The following DKK3 variants were observed in gnomAD, a reference collection of about 807,000 sequenced individuals.
The protein encoded by DKK3 is dickkopf-related protein 3.
In DKK3, 22 loss-of-function variants were observed where a neutral mutation model predicts 33.2. The ratio of observed to expected loss-of-function variants is 0.66; its 90% confidence interval spans 0.47 to 0.95. The LOEUF is 0.95. Ranked by LOEUF, DKK3 falls within the 40% of genes least tolerant of loss-of-function variation. The pLI, the probability that DKK3 is intolerant of heterozygous loss-of-function variation, is 0.00. For synonymous variants in DKK3, 194 were observed against 188.8 expected (o/e 1.03, Z -0.23); for missense variants, 398 against 458.4 (o/e 0.87, Z 1.20).
upstream of DKK3, chr11:12,009,103 C>G: frequency 1.0e-6 from 1 of 985,734 alleles, no homozygotes; most frequent in Non-Finnish European, 1.2e-6. Flanking sequence ...GAGCGCCCCG[C>G]CCCACATCCA....
intron 3 of DKK3, among the ~76,000 whole-genome samples, chr11:11,996,537 A>G (rs1231684132): frequency 6.6e-6 from 1 of 152,192 alleles, no homozygotes; most frequent in African/African-American, 2.4e-5. Flanking sequence ...TGGCTTGAAA[A>G]GTCTCCAATC....
chr11:12,009,117 A>G (rs987136114), upstream of DKK3: 7 of 984,008 alleles, frequency 7.1e-6, no homozygotes, highest in African/African-American at 8.8e-5. Flanking sequence ...ACATCCACCA[A>G]GAGAGGCTGA....
chr11:12,000,186 TTGTTTG>T (rs1336939499), intron 2 of DKK3, among the ~76,000 whole-genome samples: 2 of 26,876 alleles, frequency 7.4e-5, no homozygotes, highest in African/African-American at 1.3e-4. Context: ...TGTTTTTTGT[TTGTTTG>T]TTTGTTTGTT....
chr11:11,967,027 G>A lies in DKK3; in HGVS notation c.600C>T (p.Thr200=), dbSNP rs1332469011. The change falls in exon 5 of 7, where the codon ACC becomes ACT. Residue 200 remains threonine (T), a synonymous_variant. Transcript: ENST00000683431. ...CACAGATGGTCCCATTGCTGCCCCT[G>A]GTGGCCATTTTGGTGCAGTGACCCC... ...CVWGHCTKMA[T]RGSNGTICDN... 6.2e-7 allele frequency: 1 copy of A among 1,614,032 alleles called. No individual in the cohort carries two copies. Among genetic ancestry groups the A allele is most frequent in the Admixed American group, 1.7e-5 (1 of 60,026 alleles).
intron 1 of DKK3, among the ~76,000 whole-genome samples, chr11:12,004,650 C>G (rs1386522826): frequency 6.6e-6 from 1 of 152,204 alleles, no homozygotes; most frequent in Non-Finnish European, 1.5e-5. Context: ...CCCACTAAAC[C>G]TCAGCTTGCT....
intron 1 of DKK3, among the ~76,000 whole-genome samples, chr11:12,006,082 A>G (rs1311908849): frequency 6.6e-6 from 1 of 152,194 alleles, no homozygotes; most frequent in Non-Finnish European, 1.5e-5. Context: ...CAATGAAGCT[A>G]CCTGTATTAC....
At chr11:11,979,279 G>A (rs1225801258) in intron 3 of DKK3, among the ~76,000 whole-genome samples, 1 of 152,254 alleles carries the variant, frequency 6.6e-6, no homozygotes, top group African/African-American at 2.4e-5. Context: ...TGCTGTATCT[G>A]CTCAGGGCCC....
intron 3 of DKK3, among the ~76,000 whole-genome samples, chr11:11,974,019 T>C (rs1250692887): frequency 6.6e-6 from 1 of 152,230 alleles, no homozygotes; most frequent in Non-Finnish European, 1.5e-5. Flanking sequence ...CAGACATTCT[T>C]GTTCACCGGA....
In DKK3 at chr11:11,991,376, T is replaced by C. The variant is rs111274717; in HGVS notation, c.435+7320A>G. On this transcript the variant is annotated intron_variant, in intron 3 of 6. Coordinates refer to ENST00000683431, the MANE Select transcript of DKK3 (RefSeq NM_001018057.2). The stretch of plus-strand genomic sequence containing the variant: ...AGCTGGGTCATGGGGGCAGATCCCT[T>C]ATGAGTGGCTTGCTGCTGTTCTCGC... 2.1e-3 allele frequency among the ~76,000 whole-genome samples: 315 copies of C among 152,294 alleles called. 2 individuals carry two copies. Among genetic ancestry groups the C allele is most frequent in the African/African-American group, 7.4e-3 (307 of 41,558 alleles).
chr11:11,986,421 G>A (rs1271140260), intron 3 of DKK3, among the ~76,000 whole-genome samples: 4 of 152,164 alleles, frequency 2.6e-5, no homozygotes, highest in Non-Finnish European at 5.9e-5. Context: ...AAAGAAAGTA[G>A]GTGTGAGATT....
chr11:11,981,654 C>A (rs565116958), intron 3 of DKK3, among the ~76,000 whole-genome samples: 1 of 152,236 alleles, frequency 6.6e-6, no homozygotes, highest in South Asian at 2.1e-4. Flanking sequence ...TAACCAGAAG[C>A]ATAATCATGG....
At chr11:12,003,351 G>A (rs1052676116) in intron 1 of DKK3, among the ~76,000 whole-genome samples, 6 of 152,176 alleles carry the variant, frequency 3.9e-5, no homozygotes, top group Non-Finnish European at 5.9e-5. Flanking sequence ...CTTGTAGAGG[G>A]TCAGTTAACC....
chr11:11,964,017 A>G lies in DKK3; in HGVS notation c.*447T>C, dbSNP rs1167548406. The stretch of plus-strand genomic sequence containing the variant: ...GCACAGCTTACCTATGCCCATGGAA[A>G]GAACTGCGTGGAAAATTCATTTGTT... On this transcript the variant is annotated 3_prime_UTR_variant, in exon 7 of 7. Coordinates refer to ENST00000683431, the MANE Select transcript of DKK3 (RefSeq NM_001018057.2). 2 of 179,272 alleles carry G rather than the reference A, an allele frequency of 1.1e-5. No homozygotes were observed. Among genetic ancestry groups the G allele is most frequent in the African/African-American group, 4.8e-5 (2 of 42,074 alleles). 11.1% of individuals were successfully genotyped at this position (179,272 alleles called of 1,614,324 possible).
At chr11:11,986,958 C>T (rs1412631045) in intron 3 of DKK3, among the ~76,000 whole-genome samples, 1 of 152,200 alleles carries the variant, frequency 6.6e-6, no homozygotes, top group African/African-American at 2.4e-5. Flanking sequence ...GACTCATTTA[C>T]ATACTTACAG....
Position 11,975,100 on chromosome 11 carries a change from A to G in DKK3, c.436-6613T>C, listed in dbSNP as rs564866836. 1.1e-4 allele frequency among the ~76,000 whole-genome samples: 16 copies of G among 152,320 alleles called. 1 individual carries two copies. The South Asian group carries it at 3.1e-3, about 30-fold the overall frequency. ...TTGATTTCAGACTTCCAGCCTCCAG[A>G]ACCGTGACAGAATAGATTCCTGTTA... On this transcript the variant is annotated intron_variant, in intron 3 of 6. Transcript: ENST00000683431.
At chr11:11,977,288 TCTC>T (rs1028648965) in intron 3 of DKK3, among the ~76,000 whole-genome samples, 3 of 151,084 alleles carry the variant, frequency 2.0e-5, no homozygotes, top group African/African-American at 7.3e-5. Context: ...TCCTCCCTCT[TCTC>T]CTTCCAATAT....
intron 3 of DKK3, among the ~76,000 whole-genome samples, chr11:11,975,288 GA>G (rs1157384175): frequency 1.2e-4 from 19 of 152,356 alleles, no homozygotes; most frequent in African/African-American, 4.1e-4. Flanking sequence ...GAAGGTGACA[GA>G]GGGGTGGTCA....
chr11:11,973,286 G>C (rs1203512753), intron 3 of DKK3, among the ~76,000 whole-genome samples: 1 of 152,318 alleles, frequency 6.6e-6, no homozygotes, highest in South Asian at 2.1e-4. Context: ...GACTGGAGCC[G>C]ACAGACACTT....
Position 11,964,131 on chromosome 11 carries a change from C to A in DKK3, c.*333G>T. On this transcript the variant is annotated 3_prime_UTR_variant, in exon 7 of 7. Coordinates refer to ENST00000683431, the MANE Select transcript of DKK3 (RefSeq NM_001018057.2). ...TCAGAGGGAGACTCCACATTGTTTC[C>A]ATCTCCTCCCCTCAAACAATTATCA... 1 of 294,416 alleles carries A rather than the reference C, an allele frequency of 3.4e-6. No individual in the cohort carries two copies. Among genetic ancestry groups the A allele is most frequent in the South Asian group, 7.2e-5 (1 of 13,906 alleles). The allele number at this position is 294,416 out of a possible 1,614,324, so 18.2% of individuals were successfully genotyped here. A position where few individuals can be genotyped will look rare whatever the true frequency, so the allele number is the denominator to read the frequency against.
Sources: gnomAD v4.1 joint callset for allele counts (sites outside exome capture counted in the v4.1 genomes callset) on GRCh38, gnomAD v4.1.1 for gene constraint, MANE v1.5 for transcripts, NCBI Gene and HGNC (gene_info 2026-07-23, HGNC 2026-07-21) for gene names.